Variants in TRAPPC2 observed in about 807,000 individuals in gnomAD.
The protein encoded by TRAPPC2 is sedlin.
In TRAPPC2, 4 loss-of-function variants were observed where a neutral mutation model predicts 10.0. That is an observed-to-expected ratio of 0.40 (90% CI 0.20 to 0.92). TRAPPC2 has a LOEUF of 0.92. Among genes scored for constraint, TRAPPC2 ranks in the 40% least tolerant of loss-of-function variants. TRAPPC2 has a pLI of 0.35. For synonymous variants in TRAPPC2, 36 were observed against 37.3 expected (o/e 0.97, Z 0.12); for missense variants, 52 against 108.7 (o/e 0.48, Z 2.32).
At position 13,713,499 on chromosome X, in the gene TRAPPC2, A is replaced by G. The variant is rs1182621773; in HGVS notation, c.*908T>C. 3 of 109,577 alleles carry G rather than the reference A, an allele frequency of 2.7e-5. No individual in the cohort carries two copies. Among genetic ancestry groups the G allele is most frequent in the African/African-American group, 1.0e-4 (3 of 30,054 alleles). 9.0% of individuals were successfully genotyped at this position (109,577 alleles called of 1,213,427 possible). On this transcript the variant is annotated 3_prime_UTR_variant, in exon 6 of 6. Coordinates refer to ENST00000380579, the MANE Select transcript of TRAPPC2 (RefSeq NM_001011658.4). Reference sequence around the variant, plus strand: ...AAAACAAAAACCCACAAAAAACCAAAAAGCTTATTCCCAATTTTTAAGTAA... The same window carrying G: ...AAAACAAAAACCCACAAAAAACCAAGAAGCTTATTCCCAATTTTTAAGTAA...
At chrX:13,717,705 C>CTCCAGCCTG (rs2046326981) in intron 3 of TRAPPC2, among the ~76,000 whole-genome samples, 2 of 111,564 alleles carry the variant, frequency 1.8e-5, no homozygotes, top group Admixed American at 1.9e-4. Context: ...CGCCATTGCA[C>CTCCAGCCTG]TCCAGCCTGG....
intron 2 of TRAPPC2, among the ~76,000 whole-genome samples, chrX:13,730,237 C>A (rs1339810723): frequency 5.1e-4 from 56 of 109,315 alleles, no homozygotes; most frequent in South Asian, 1.5e-3. Context: ...AAAAAAAAAA[C>A]CCCATCAAAA....
intron 5 of TRAPPC2, chrX:13,715,748 C>A (rs773082971): frequency 7.5e-5 from 66 of 874,367 alleles, no homozygotes; most frequent in Admixed American, 1.2e-4. Flanking sequence ...GCTATGAGGA[C>A]AACAAGGTGA....
rs1325217787 is a variant in TRAPPC2, at chrX:13,716,013, T to C, written c.315A>G (p.Leu105=). 3 of 1,187,971 alleles carry C rather than the reference T, an allele frequency of 2.5e-6. No homozygotes were observed. Among genetic ancestry groups the C allele is most frequent in the Non-Finnish European group, 2.3e-6 (2 of 880,887 alleles). ...ATAGAACATACCATACCTTTATATA[T>C]AAATCATAAACATCAGTAAAGAAGT... ...IKNFFTDVYD[L]YIKFSMNPFY... The change falls in exon 5 of 6, where the codon TTA becomes TTG. Residue 105 remains leucine (L), a synonymous_variant. Coordinates refer to ENST00000380579, the MANE Select transcript of TRAPPC2 (RefSeq NM_001011658.4).
chrX:13,716,883 A>G (rs1274928265), intron 3 of TRAPPC2, among the ~76,000 whole-genome samples: 1 of 110,796 alleles, frequency 9.0e-6, no homozygotes, highest in Admixed American at 9.7e-5. Context: ...TCTCAACAGA[A>G]ACAGCCAATT....
intron 5 of TRAPPC2, 53 bp from the exon 6 acceptor site, chrX:13,714,558 T>C (rs1053721764): frequency 1.5e-5 from 10 of 685,888 alleles, no homozygotes; most frequent in African/African-American, 2.2e-5. Context: ...ATCTTAAGTT[T>C]CTGAAAGGAA....
chrX:13,718,552 C>G (rs1316032245), intron 3 of TRAPPC2, among the ~76,000 whole-genome samples: 2 of 112,034 alleles, frequency 1.8e-5, no homozygotes, highest in African/African-American at 6.5e-5. Flanking sequence ...TAGCTGCATC[C>G]CACAAAGCAG....
chrX:13,718,698 T>C (rs964784316), intron 3 of TRAPPC2, among the ~76,000 whole-genome samples: 1 of 112,586 alleles, frequency 8.9e-6, no homozygotes, highest in Non-Finnish European at 1.9e-5. Flanking sequence ...AAGGCCTGAA[T>C]AGTTGAAAAA....
chrX:13,715,883 T>TG, intron 5 of TRAPPC2, 121 bp downstream of exon 5: 1 of 1,038,336 alleles, frequency 9.6e-7, no homozygotes, highest in Non-Finnish European at 1.2e-6. Context: ...ATAGTTCTGA[T>TG]GGGGGAAAGC....
rs764126322 is a variant in TRAPPC2, at chrX:13,726,536, T to C, written c.-19-6554A>G. Among the ~76,000 whole-genome samples, 6 of 111,399 alleles carry C rather than the reference T, an allele frequency of 5.4e-5. No individual in the cohort carries two copies. The Admixed American group carries it at 5.7e-4, about 11-fold the overall frequency. ...CATAAGTGAAAGAGAAATAAAATCC[T>C]TTACAGAGAAGGAAATGATGAGAGA... is the stretch of plus-strand genomic sequence containing the variant. On this transcript the variant is annotated intron_variant, in intron 2 of 5. Transcript: ENST00000380579.
chrX:13,720,353 C>T (rs144422161), intron 2 of TRAPPC2: 1 of 116,844 alleles, frequency 8.6e-6, no homozygotes, highest in African/African-American at 3.3e-5. Context: ...AGCACGGACA[C>T]CTAGAAGGAT....
At chrX:13,715,175 T>C (rs982283424) in intron 5 of TRAPPC2, among the ~76,000 whole-genome samples, 2 of 113,007 alleles carry the variant, frequency 1.8e-5, no homozygotes, top group Non-Finnish European at 3.7e-5. Context: ...CTTATTTAAA[T>C]TATTAAAAAC....
chrX:13,723,622 C>T (rs1309734895), intron 2 of TRAPPC2, among the ~76,000 whole-genome samples: 2 of 112,014 alleles, frequency 1.8e-5, no homozygotes, highest in Non-Finnish European at 3.8e-5. Context: ...GTATGGTCTG[C>T]TCGATTTTCC....
intron 2 of TRAPPC2, chrX:13,722,208 C>CAAAAAA (rs748574644): frequency 3.0e-4 from 11 of 36,112 alleles, no homozygotes; most frequent in Non-Finnish European, 4.6e-4. Flanking sequence ...TAAGCAGCAG[C>CAAAAAA]AAAAAAAAAA....
At chrX:13,719,117 A>G (rs900612294) in intron 3 of TRAPPC2, among the ~76,000 whole-genome samples, 4 of 111,393 alleles carry the variant, frequency 3.6e-5, no homozygotes, top group Admixed American at 9.5e-5. Flanking sequence ...AGATCGTGTC[A>G]CTGCACTCCA....
intron 5 of TRAPPC2, 56 bp from the exon 6 acceptor site, chrX:13,714,561 G>GA (rs1179335829): frequency 1.5e-6 from 1 of 662,262 alleles, no homozygotes; most frequent in East Asian, 3.8e-5. Flanking sequence ...TTAAGTTTCT[G>GA]AAAGGAAATC....
intron 2 of TRAPPC2, among the ~76,000 whole-genome samples, chrX:13,732,886 A>G (rs1280270251): frequency 8.9e-6 from 1 of 112,968 alleles, no homozygotes; most frequent in Non-Finnish European, 1.9e-5. Flanking sequence ...TCGCGAGAGC[A>G]GTGATTTCAG....
At chrX:13,728,013 A>G (rs906822262) in intron 2 of TRAPPC2, among the ~76,000 whole-genome samples, 2 of 112,281 alleles carry the variant, frequency 1.8e-5, no homozygotes, top group Admixed American at 9.4e-5. Context: ...AAATGGATAA[A>G]TTCCTGGACA....
chrX:13,717,411 C>T (rs755294109), intron 3 of TRAPPC2, among the ~76,000 whole-genome samples: 11 of 112,266 alleles, frequency 9.8e-5, no homozygotes, highest in African/African-American at 3.2e-4. Flanking sequence ...GAATTCAGAA[C>T]TTGGAATGCA....
Sources: gnomAD v4.1 joint callset for allele counts (sites outside exome capture counted in the v4.1 genomes callset) on GRCh38, gnomAD v4.1.1 for gene constraint, MANE v1.5 for transcripts, NCBI Gene and HGNC (gene_info 2026-07-23, HGNC 2026-07-21) for gene names.